The following CFAP69 variants were observed in gnomAD, a reference collection of about 807,000 sequenced individuals.
CFAP69 encodes the protein cilia- and flagella-associated protein 69.
Under a neutral mutation model 123.0 loss-of-function variants are expected in CFAP69, and 92 were observed. The observed-to-expected ratio is 0.75, with a 90% CI of 0.63 to 0.89. CFAP69 has a LOEUF of 0.89. CFAP69 is among the 40% of genes least tolerant of loss of function. CFAP69 has a pLI of 0.00. For missense variants in CFAP69, 1,067 were observed against 1,096.9 expected, an observed-to-expected ratio of 0.97 and a Z score of 0.39; for synonymous variants, 380 against 364.3, an observed-to-expected ratio of 1.04 and a Z score of -0.49.
rs781413836 is a variant in CFAP69 at position 90,299,936 on chromosome 7, G to A, written c.1927G>A (p.Ala643Thr). 1.2e-6 allele frequency: 2 copies of A among 1,611,366 alleles called. No individual in the cohort carries two copies. The highest frequency in any genetic ancestry group is 1.7e-6 in the Non-Finnish European group (2 of 1,178,520). ...MVEFCDNPKTAAHVNAWQGKK... is the reference protein window; with the variant it reads ...MVEFCDNPKTTAHVNAWQGKK... ...TGAATTTTGTGATAATCCCAAAACTGCAGCTCATGTCAATGCTTGGCAAGG... is the reference window on the plus strand; with the variant it reads ...TGAATTTTGTGATAATCCCAAAACTACAGCTCATGTCAATGCTTGGCAAGG... Residue 643 changes from alanine to threonine, a missense_variant, in exon 17 of 23, where the codon GCA (alanine) becomes ACA (threonine). Transcript: ENST00000389297.
At chr7:90,267,317 G>A (rs937368033) in intron 5 of CFAP69, among the ~76,000 whole-genome samples, 2 of 152,046 alleles carry the variant, frequency 1.3e-5, no homozygotes, top group African/African-American at 2.4e-5. Context: ...TGAGCGTCTT[G>A]CAAGGGCTAA....
intron 9 of CFAP69, among the ~76,000 whole-genome samples, chr7:90,275,589 C>CGTTTTTTTTTTTTTTTTTT (rs1562875616): frequency 1.1e-5 from 1 of 91,496 alleles, no homozygotes; most frequent in African/African-American, 4.1e-5. Context: ...AGGCCAAAAG[C>CGTTTTTTTTTTTTTTTTTT]CTTTTTTTTT....
At chr7:90,287,409 G>A (rs763963925) in intron 14 of CFAP69, 1 of 738,818 alleles carries the variant, frequency 1.4e-6, no homozygotes, top group Non-Finnish European at 1.7e-6. Flanking sequence ...AGAGTGGGCT[G>A]TACCATTTTA....
chr7:90,285,538 A>AT (rs1342051825), intron 13 of CFAP69, among the ~76,000 whole-genome samples: 1 of 152,166 alleles, frequency 6.6e-6, no homozygotes, highest in East Asian at 1.9e-4. Context: ...CAAAAGAGGG[A>AT]TTTTAAAGGA....
chr7:90,277,275 T>A lies in CFAP69; in HGVS notation c.1096T>A (p.Leu366Met). 6.3e-7 allele frequency: 1 copy of A among 1,594,256 alleles called. No homozygotes were observed. The highest frequency in any genetic ancestry group is 8.5e-7 in the Non-Finnish European group (1 of 1,171,062). Residue 366 changes from leucine to methionine, a missense_variant, in exon 11 of 23, where the codon TTG (leucine) becomes ATG (methionine). Physicochemically the swap from Leu to Met is conservative, Grantham distance 15 (BLOSUM62 2). Coordinates refer to ENST00000389297, the MANE Select transcript of CFAP69 (RefSeq NM_001039706.3). ...KLSNSYEDFE[L>M]KKLLFNVIVI... ...TTCTAATTCCTATGAAGATTTTGAG[T>A]TGAAGAAATTACTATTCAACGTAAT...
intron 19 of CFAP69, among the ~76,000 whole-genome samples, chr7:90,305,503 C>A (rs1282230563): frequency 6.6e-6 from 1 of 151,294 alleles, no homozygotes; most frequent in Non-Finnish European, 1.5e-5. Context: ...AGTGATTCTC[C>A]TGCCTCAGCC....
chr7:90,255,453 G>C lies in CFAP69; in HGVS notation c.151G>C (p.Val51Leu). Residue 51 changes from valine (V) to leucine (L), a missense_variant, in exon 2 of 23, where the codon GTC (valine) becomes CTC (leucine). By Grantham distance (32) the Val-to-Leu change is conservative (BLOSUM62 1). Transcript: ENST00000389297. ...TTTCAAGCCTATGGACCTTAATCGT[G>C]TCATCAAACTCCTCGAAGAGACTGA... ...DVFKPMDLNRVIKLLEETDKD... is the reference protein window; with the variant it reads ...DVFKPMDLNRLIKLLEETDKD... 1 of 1,612,804 alleles carries C rather than the reference G, an allele frequency of 6.2e-7. No homozygotes were observed. The highest frequency in any genetic ancestry group is 1.7e-5 in the Admixed American group (1 of 59,988).
At chr7:90,267,753 A>G (rs893338076) in intron 5 of CFAP69, among the ~76,000 whole-genome samples, 1 of 152,210 alleles carries the variant, frequency 6.6e-6, no homozygotes, top group Non-Finnish European at 1.5e-5. Context: ...GCAAAAAATT[A>G]CTGACCCTCT....
At position 90,286,284 on chromosome 7, in the gene CFAP69, T is replaced by C. The variant is rs1367794229; in HGVS notation, c.1541T>C (p.Ile514Thr). The C allele has an allele frequency of 6.3e-6, 10 of 1,593,102 alleles. No individual in the cohort carries two copies. Among genetic ancestry groups the C allele is most frequent in the Non-Finnish European group, 8.6e-6 (10 of 1,166,938 alleles). ...EKGTIQQMIG[I>T]FKNIISKPNE... The stretch of plus-strand genomic sequence containing the variant: ...TCTTTAAATGTTTTCATACCAGGAA[T>C]CTTTAAAAATATAATAAGCAAGCCT... Residue 514 changes from isoleucine to threonine, a missense_variant, in exon 14 of 23, where the codon ATC becomes ACC. Physicochemically the swap from Ile to Thr is moderately conservative, Grantham distance 89 (BLOSUM62 -1). Coordinates refer to ENST00000389297, the MANE Select transcript of CFAP69 (RefSeq NM_001039706.3).
At chr7:90,301,613 G>A (rs181329983) in intron 17 of CFAP69, 1 of 152,222 alleles carries the variant, frequency 6.6e-6, no homozygotes, top group African/African-American at 2.4e-5. Flanking sequence ...AGTTTGCTAA[G>A]GATAATGGCC....
chr7:90,317,520 T>C, the CFAP69 span: 4 of 152,150 alleles, frequency 2.6e-5, no homozygotes, highest in Middle Eastern at 6.8e-3. Flanking sequence ...AATCTTATAT[T>C]ATCTGCTACT....
chr7:90,296,408 A>ACCT (rs1477159545), intron 15 of CFAP69, among the ~76,000 whole-genome samples: 1 of 151,652 alleles, frequency 6.6e-6, no homozygotes. Context: ...GCTCACTGCA[A>ACCT]CCTCCTCCTC....
At position 90,274,120 on chromosome 7, in the gene CFAP69, A is replaced by G. The variant is rs1389367553; in HGVS notation, c.984+10A>G. 2 of 1,591,674 alleles carry G rather than the reference A, an allele frequency of 1.3e-6. No homozygotes were observed. The highest frequency in any genetic ancestry group is 2.3e-5 in the South Asian group (2 of 85,952). On this transcript the variant is annotated intron_variant, in intron 9 of 22. Transcript: ENST00000389297. ...TGAAGCACCAATGATTGTAAGTATG[A>G]ATCAAATTGCATTAATTTTAATTGT... is the stretch of plus-strand genomic sequence containing the variant.
chr7:90,247,562 T>C (rs1220366624), intron 1 of CFAP69, among the ~76,000 whole-genome samples: 2 of 152,042 alleles, frequency 1.3e-5, no homozygotes, highest in Admixed American at 6.6e-5. Context: ...AAATAATATA[T>C]ATAGGCCGGG....
chr7:90,296,450 C>G (rs986780559), intron 15 of CFAP69, among the ~76,000 whole-genome samples: 3 of 152,070 alleles, frequency 2.0e-5, no homozygotes, highest in African/African-American at 7.2e-5. Flanking sequence ...GCCTCAGGCT[C>G]CTGAATAACT....
rs564713637 is a variant in CFAP69 at position 90,248,119 on chromosome 7, T to C, written c.120+2575T>C. The stretch of plus-strand genomic sequence containing the variant: ...GCCCCTGAAATCTTACTTGCTTTAA[T>C]GCAGATTTCGGTCTGCTCACTTTAT... On this transcript the variant is annotated intron_variant, in intron 1 of 22. Transcript: ENST00000389297. Among the ~76,000 whole-genome samples, 4 of 152,338 alleles carry C rather than the reference T, an allele frequency of 2.6e-5. No homozygotes were observed. The East Asian group carries it at 5.8e-4, about 22-fold the overall frequency.
intron 13 of CFAP69, among the ~76,000 whole-genome samples, chr7:90,284,826 T>C (rs994935173): frequency 1.3e-5 from 2 of 152,098 alleles, no homozygotes; most frequent in African/African-American, 4.8e-5. Context: ...ACAAGATAGG[T>C]TAATTGTATA....
At chr7:90,298,380 C>A (rs1792300339) in intron 16 of CFAP69, among the ~76,000 whole-genome samples, 1 of 152,092 alleles carries the variant, frequency 6.6e-6, no homozygotes, top group Non-Finnish European at 1.5e-5. Flanking sequence ...GAATATAGCC[C>A]CTTACTAGCC....
At chr7:90,282,756 T>G in intron 12 of CFAP69, 136 bp from the exon 13 acceptor site, 2 of 633,778 alleles carry the variant, frequency 3.2e-6, no homozygotes, top group East Asian at 6.9e-5. Context: ...TAATATTTTA[T>G]TTCTCTAAAA....
Sources: gnomAD v4.1 joint callset for allele counts (sites outside exome capture counted in the v4.1 genomes callset) on GRCh38, gnomAD v4.1.1 for gene constraint, MANE v1.5 for transcripts, NCBI Gene and HGNC (gene_info 2026-07-23, HGNC 2026-07-21) for gene names.